ARG2: variants seen among roughly 807,000 people sequenced by gnomAD.
ARG2 encodes the protein arginase 2, also known as arginase-2, mitochondrial.
ARG2 carries 21 observed loss-of-function variants against 39.4 expected under a neutral mutation model. That is an observed-to-expected ratio of 0.53 (90% CI 0.38 to 0.77). The LOEUF (loss-of-function observed/expected upper bound fraction) is 0.77, where lower values mean the gene tolerates loss of function less well. ARG2 is among the 30% of genes least tolerant of loss of function. ARG2 has a pLI of 0.00. For synonymous variants in ARG2, 150 were observed against 156.7 expected (o/e 0.96, Z 0.32); for missense variants, 378 against 426.2 (o/e 0.89, Z 1.00).
intron 3 of ARG2, 58 bp from the exon 4 acceptor site, chr14:67,645,585 T>G: frequency 6.4e-7 from 1 of 1,568,230 alleles, no homozygotes; most frequent in Non-Finnish European, 8.7e-7. Flanking sequence ...TGAGGACGTT[T>G]GTTATCGGTC....
At chr14:67,646,558 G>C (rs2037100629) in intron 4 of ARG2, 86 bp from the exon 5 acceptor site, 1 of 1,081,478 alleles carries the variant, frequency 9.2e-7, no homozygotes, top group Non-Finnish European at 1.4e-6. Context: ...GAAGAAAGCA[G>C]ATTGCATACC....
chr14:67,636,481 GA>G (rs1358577045), intron 2 of ARG2, among the ~76,000 whole-genome samples: 1 of 152,208 alleles, frequency 6.6e-6, no homozygotes, highest in Admixed American at 6.5e-5. Flanking sequence ...TGTAGAGGCA[GA>G]CAATTATTAT....
intron 7 of ARG2, chr14:67,649,870 G>C (rs1258486130): frequency 6.6e-6 from 1 of 152,108 alleles, no homozygotes; most frequent in African/African-American, 2.4e-5. Flanking sequence ...CCTTCATCCA[G>C]AATAACCAAC....
chr14:67,648,462 A>G (rs929823289), intron 7 of ARG2: 1 of 252,422 alleles, frequency 4.0e-6, no homozygotes, highest in Non-Finnish European at 7.5e-6. Flanking sequence ...AAACTGATGC[A>G]GTTCTTTGAG....
In ARG2 at chr14:67,651,587, T is replaced by C. The variant is rs575858452; in HGVS notation, c.*667T>C. On this transcript the variant is annotated 3_prime_UTR_variant, in exon 8 of 8. Transcript: ENST00000261783. The stretch of plus-strand genomic sequence containing the variant: ...CACGGCTGGATACTCTGAGGCTGTA[T>C]GTTTGATCACACAGCCACTTAGCAG... 6.2e-6 allele frequency: 8 copies of C among 1,290,784 alleles called. No individual in the cohort carries two copies. Among genetic ancestry groups the C allele is most frequent in the Non-Finnish European group, 8.4e-6 (8 of 948,754 alleles). The allele number at this position is 1,290,784 out of a possible 1,614,324, so 80.0% of individuals were successfully genotyped here.
intron 2 of ARG2, among the ~76,000 whole-genome samples, chr14:67,634,594 C>CA (rs5809357): frequency 0.31 from 36,057 of 115,046 alleles, 5,445 homozygotes; most frequent in Non-Finnish European, 0.4. Context: ...ACCGTGTCTC[C>CA]AAAAAAAAAA....
At chr14:67,625,626 G>A (rs1371727438) in intron 2 of ARG2, among the ~76,000 whole-genome samples, 1 of 144,450 alleles carries the variant, frequency 6.9e-6, no homozygotes, top group Admixed American at 7.1e-5. Context: ...GTTGTGATGA[G>A]CCGAGATTGT....
At chr14:67,647,939 G>A in intron 6 of ARG2, 108 bp from the exon 7 acceptor site, 1 of 1,084,380 alleles carries the variant, frequency 9.2e-7, no homozygotes, top group Non-Finnish European at 1.3e-6. Flanking sequence ...CAAAGTACTA[G>A]GACTAATAGC....
rs542408224 is a variant in ARG2 at position 67,645,599 on chromosome 14, T to A, written c.363-44T>A. ...CTGAGGACGTTTGTTATCGGTCATG[T>A]TTGCCAAGCAGAGGGCCTTCAAGAT... On this transcript the variant is annotated intron_variant, in intron 3 of 7. Transcript: ENST00000261783. 1.1e-5 allele frequency: 17 copies of A among 1,589,100 alleles called. No individual in the cohort carries two copies. In the South Asian group the frequency reaches 1.6e-4, roughly 15 times the overall value.
At chr14:67,643,852 TAAAAAAAAAAAAAAAAA>T (rs553614739) in intron 3 of ARG2, among the ~76,000 whole-genome samples, 14 of 81,214 alleles carry the variant, frequency 1.7e-4, no homozygotes, top group African/African-American at 5.0e-4. Context: ...TCCTTGGGAG[TAAAAAAAAAAAAAAAAA>T]AAAAAAAAAA....
chr14:67,636,767 C>G (rs2036976026), intron 2 of ARG2, among the ~76,000 whole-genome samples: 1 of 152,172 alleles, frequency 6.6e-6, no homozygotes, highest in Non-Finnish European at 1.5e-5. Flanking sequence ...CAAGGCTGTG[C>G]CAGTGTATAA....
chr14:67,639,537 G>A lies in ARG2; in HGVS notation c.185-2649G>A, dbSNP rs148865524. On this transcript the variant is annotated intron_variant, in intron 2 of 7. Transcript: ENST00000261783. ...GGCATACCCTGGTGTCTTACATCTA[G>A]TAAGAACCTAATGGTTGATGTGATT... 3.9e-5 allele frequency among the ~76,000 whole-genome samples: 6 copies of A among 152,168 alleles called. No individual in the cohort carries two copies. In the East Asian group the frequency reaches 1.2e-3, roughly 29 times the overall value.
intron 2 of ARG2, among the ~76,000 whole-genome samples, chr14:67,628,370 G>A (rs1379883912): frequency 6.6e-6 from 1 of 152,198 alleles, no homozygotes; most frequent in Non-Finnish European, 1.5e-5. Context: ...GATTACAGAT[G>A]TGCACCACTG....
intron 4 of ARG2, 32 bp from the exon 5 acceptor site, chr14:67,646,612 T>TGATTAATC: frequency 6.6e-7 from 1 of 1,520,450 alleles, no homozygotes; most frequent in Non-Finnish European, 9.1e-7. Context: ...CAAGAATTCT[T>TGATTAATC]GATTAATCCT....
chr14:67,635,506 T>A (rs192982683), intron 2 of ARG2, among the ~76,000 whole-genome samples: 1 of 152,344 alleles, frequency 6.6e-6, no homozygotes, highest in Admixed American at 6.5e-5. Context: ...TTTAATAAGC[T>A]AGTATTTCAA....
intron 7 of ARG2, chr14:67,649,929 T>C (rs2037150422): frequency 1.3e-5 from 2 of 152,156 alleles, no homozygotes. Flanking sequence ...GGGGTGAGCA[T>C]AGTAGCAGGT....
intron 2 of ARG2, among the ~76,000 whole-genome samples, chr14:67,638,081 G>A (rs2036991369): frequency 6.6e-6 from 1 of 152,172 alleles, no homozygotes; most frequent in African/African-American, 2.4e-5. Flanking sequence ...ACTGCATAAA[G>A]GAAAGCCTCC....
chr14:67,639,933 A>G lies in ARG2; in HGVS notation c.185-2253A>G, dbSNP rs1281105124. 9.9e-5 allele frequency among the ~76,000 whole-genome samples: 15 copies of G among 150,800 alleles called. No individual in the cohort carries two copies. The South Asian group carries it at 3.1e-3, about 32-fold the overall frequency. On this transcript the variant is annotated intron_variant, in intron 2 of 7. Transcript: ENST00000261783. ...GCGCAAGACCCTGTCTCAAAAAAAA[A>G]AAAAAAAAAAAAAAAAGTCTGTGCA...
intron 2 of ARG2, among the ~76,000 whole-genome samples, chr14:67,637,410 CAAA>C (rs34746542): frequency 2.4e-3 from 250 of 103,638 alleles, no homozygotes; most frequent in Middle Eastern, 5.3e-3. Context: ...GACTCTGTCT[CAAA>C]AAAAAAAAAA....
Sources: allele counts gnomAD v4.1 joint callset (sites outside exome capture counted in the v4.1 genomes callset), GRCh38; gene constraint gnomAD v4.1.1; transcripts MANE v1.5; gene names NCBI Gene and HGNC (gene_info 2026-07-23, HGNC 2026-07-21).